Variants in DGKB observed in about 807,000 individuals in gnomAD.
DGKB encodes the protein 90 kDa diacylglycerol kinase.
DGKB carries 67 observed loss-of-function variants against 114.3 expected under a neutral mutation model. That is an observed-to-expected ratio of 0.59 (90% CI 0.48 to 0.72). DGKB has a LOEUF of 0.72. DGKB is among the 30% of genes least tolerant of loss of function. DGKB has a pLI of 0.00. For missense variants in DGKB, 907 were observed against 975.2 expected, an observed-to-expected ratio of 0.93 and a Z score of 0.93; for synonymous variants, 398 against 323.1, an observed-to-expected ratio of 1.23 and a Z score of -2.49.
chr7:14,727,742 A>G (rs1247631522), intron 5 of DGKB, among the ~76,000 whole-genome samples: 2 of 152,128 alleles, frequency 1.3e-5, no homozygotes, highest in African/African-American at 2.4e-5. Flanking sequence ...CCTTGTTTGC[A>G]TTGTGGAAAC....
At chr7:14,808,186 T>C (rs1030671142) in intron 2 of DGKB, among the ~76,000 whole-genome samples, 1 of 152,062 alleles carries the variant, frequency 6.6e-6, no homozygotes, top group Non-Finnish European at 1.5e-5. Context: ...GTGATGTTTA[T>C]ATGAACAAAT....
At chr7:14,400,679 T>C (rs1042774964) in intron 21 of DGKB, among the ~76,000 whole-genome samples, 5 of 151,496 alleles carry the variant, frequency 3.3e-5, no homozygotes, top group Non-Finnish European at 1.5e-5. Context: ...TTCCTTTGAT[T>C]TGAGTTCAAG....
At chr7:14,377,606 G>T (rs1818705821) in intron 21 of DGKB, among the ~76,000 whole-genome samples, 1 of 152,150 alleles carries the variant, frequency 6.6e-6, no homozygotes, top group African/African-American at 2.4e-5. Flanking sequence ...CTGTGTACTT[G>T]TAACTTGGTA....
chr7:14,872,153 T>C (rs1030464948), intron 1 of DGKB, among the ~76,000 whole-genome samples: 5 of 152,224 alleles, frequency 3.3e-5, no homozygotes, highest in African/African-American at 1.2e-4. Context: ...AATAAGAACC[T>C]GTCATATATT....
chr7:14,323,777 T>C (rs776201461), intron 23 of DGKB, among the ~76,000 whole-genome samples: 1 of 152,182 alleles, frequency 6.6e-6, no homozygotes, highest in African/African-American at 2.4e-5. Context: ...TATTAAACTA[T>C]TGAGTGAATG....
chr7:14,676,903 T>C (rs1050817009), intron 12 of DGKB, among the ~76,000 whole-genome samples: 1 of 152,058 alleles, frequency 6.6e-6, no homozygotes, highest in Non-Finnish European at 1.5e-5. Flanking sequence ...TATCTTTGTA[T>C]TTTTTTCAAG....
chr7:14,363,461 G>A (rs558781401), intron 21 of DGKB, among the ~76,000 whole-genome samples: 1 of 152,178 alleles, frequency 6.6e-6, no homozygotes, highest in African/African-American at 2.4e-5. Context: ...GTGATTCCTA[G>A]AGGGAAGCAC....
At chr7:14,508,237 T>C (rs566917082) in intron 20 of DGKB, among the ~76,000 whole-genome samples, 2 of 152,340 alleles carry the variant, frequency 1.3e-5, no homozygotes, top group East Asian at 3.9e-4. Flanking sequence ...AGGGCTCAAA[T>C]TGTGGCTCTA....
At chr7:14,300,533 A>G (rs2128487202) in intron 23 of DGKB, among the ~76,000 whole-genome samples, 1 of 152,260 alleles carries the variant, frequency 6.6e-6, no homozygotes, top group South Asian at 2.1e-4. Flanking sequence ...ATTAGTAATT[A>G]ATCATTATAA....
intron 21 of DGKB, among the ~76,000 whole-genome samples, chr7:14,444,933 C>T (rs1012792968): frequency 1.4e-4 from 22 of 151,818 alleles, no homozygotes; most frequent in African/African-American, 5.3e-4. Context: ...TCTGTTAATT[C>T]CTTGCAGTAA....
At chr7:14,207,868 TA>T (rs989712261) in intron 23 of DGKB, among the ~76,000 whole-genome samples, 5 of 151,880 alleles carry the variant, frequency 3.3e-5, no homozygotes, top group African/African-American at 9.7e-5. Flanking sequence ...CAAAGTGAAC[TA>T]AAAAAATGTA....
At chr7:14,449,415 T>G (rs975885661) in intron 21 of DGKB, among the ~76,000 whole-genome samples, 2 of 152,034 alleles carry the variant, frequency 1.3e-5, no homozygotes, top group Admixed American at 1.3e-4. Context: ...CCAGGTTATT[T>G]TGAAGTTATG....
chr7:14,946,473 T>C (rs1287004027), intron 1 of DGKB, among the ~76,000 whole-genome samples: 1 of 151,728 alleles, frequency 6.6e-6, no homozygotes, highest in Non-Finnish European at 1.5e-5. Context: ...TCATCCAACA[T>C]ATATACACAC....
chr7:14,878,105 T>C (rs978928938), intron 1 of DGKB, among the ~76,000 whole-genome samples: 1 of 148,912 alleles, frequency 6.7e-6, no homozygotes, highest in African/African-American at 2.5e-5. Context: ...AATATGTACA[T>C]AAACAAATAG....
chr7:14,764,673 T>C (rs145947286), intron 2 of DGKB, among the ~76,000 whole-genome samples: 1 of 152,078 alleles, frequency 6.6e-6, no homozygotes, highest in African/African-American at 2.4e-5. Flanking sequence ...AAGTGAGAGT[T>C]AATCAGCAAT....
chr7:14,273,359 A>C (rs1486433871), intron 23 of DGKB, among the ~76,000 whole-genome samples: 2 of 152,112 alleles, frequency 1.3e-5, no homozygotes, highest in African/African-American at 4.8e-5. Context: ...AAAAATAAAA[A>C]ATACATAAAA....
At chr7:14,943,030 C>A (rs1785659058) in intron 1 of DGKB, among the ~76,000 whole-genome samples, 1 of 151,630 alleles carries the variant, frequency 6.6e-6, no homozygotes, top group African/African-American at 2.4e-5. Flanking sequence ...ATTAAATGAC[C>A]ATGTTGTAAT....
intron 21 of DGKB, among the ~76,000 whole-genome samples, chr7:14,406,360 G>A (rs1467269356): frequency 6.6e-6 from 1 of 151,764 alleles, no homozygotes; most frequent in African/African-American, 2.4e-5. Context: ...TAATACTTTG[G>A]GAAAATAATC....
At chr7:14,676,660 G>A (rs1819910651) in intron 12 of DGKB, among the ~76,000 whole-genome samples, 1 of 151,976 alleles carries the variant, frequency 6.6e-6, no homozygotes, top group Admixed American at 6.6e-5. Context: ...AAGAATATAA[G>A]AAAAAGACAC....
Sources: gnomAD v4.1 joint callset for allele counts (sites outside exome capture counted in the v4.1 genomes callset) on GRCh38, gnomAD v4.1.1 for gene constraint, MANE v1.5 for transcripts, NCBI Gene and HGNC (gene_info 2026-07-23, HGNC 2026-07-21) for gene names.